FBXL20: variants seen among roughly 807,000 people sequenced by gnomAD.
The protein encoded by FBXL20 is F-box/LRR-repeat protein 20.
In FBXL20, 11 loss-of-function variants were observed where a neutral mutation model predicts 64.0. The observed-to-expected ratio is 0.17, with a 90% CI of 0.11 to 0.28. The LOEUF is 0.28. FBXL20 is among the 10% of genes least tolerant of loss of function. The pLI, the probability that FBXL20 is intolerant of heterozygous loss-of-function variation, is 1.00. For missense variants in FBXL20, 303 were observed against 526.2 expected, an observed-to-expected ratio of 0.58 and a Z score of 4.15; for synonymous variants, 184 against 189.0, an observed-to-expected ratio of 0.97 and a Z score of 0.22.
intron 2 of FBXL20, among the ~76,000 whole-genome samples, chr17:39,304,533 T>C (rs771876548): frequency 1.3e-5 from 2 of 152,190 alleles, no homozygotes; most frequent in Non-Finnish European, 2.9e-5. Context: ...CAAGCAATCC[T>C]CCTGCCTCAG....
chr17:39,358,852 AAAAC>A (rs917210385), intron 1 of FBXL20, among the ~76,000 whole-genome samples: 9 of 152,178 alleles, frequency 5.9e-5, no homozygotes, highest in South Asian at 2.1e-4. Flanking sequence ...TACAAACTGA[AAAAC>A]AAACAAAAAA....
chr17:39,346,585 G>A (rs947880000), intron 1 of FBXL20, among the ~76,000 whole-genome samples: 1 of 152,020 alleles, frequency 6.6e-6, no homozygotes, highest in Non-Finnish European at 1.5e-5. Context: ...AAAAGAAACT[G>A]GAACAAAGAT....
Position 39,401,437 on chromosome 17 carries a change from G to A in FBXL20, c.-35C>T, listed in dbSNP as rs2048243434. The A allele has an allele frequency of 6.4e-7, 1 of 1,569,804 alleles. No individual in the cohort carries two copies. Among genetic ancestry groups the A allele is most frequent in the Non-Finnish European group, 8.6e-7 (1 of 1,159,240 alleles). Reference sequence around the variant, plus strand: ...GGGTGCGGCCCGGGCCGGGCGCTGCGGCGAGCGGAGTGCACAGACCGGGGG... The same window carrying A: ...GGGTGCGGCCCGGGCCGGGCGCTGCAGCGAGCGGAGTGCACAGACCGGGGG... On this transcript the variant is annotated 5_prime_UTR_variant, in exon 1 of 15. Transcript: ENST00000264658.
chr17:39,279,434 G>A lies in FBXL20; in HGVS notation c.696+1955C>T, dbSNP rs530571351. 1.6e-4 allele frequency among the ~76,000 whole-genome samples: 24 copies of A among 151,958 alleles called. No homozygotes were observed. In the East Asian group the frequency reaches 4.4e-3, roughly 28 times the overall value. On this transcript the variant is annotated intron_variant, in intron 9 of 14. Coordinates refer to ENST00000264658, the MANE Select transcript of FBXL20 (RefSeq NM_032875.3). ...GGATTGCTTGAGCCCTGTAGTTGGAGGTTGCTGTGAGCTGTGATCATGCCA... is the reference window on the plus strand; with the variant it reads ...GGATTGCTTGAGCCCTGTAGTTGGAAGTTGCTGTGAGCTGTGATCATGCCA...
At chr17:39,360,660 A>T (rs2047785656) in intron 1 of FBXL20, among the ~76,000 whole-genome samples, 1 of 152,178 alleles carries the variant, frequency 6.6e-6, no homozygotes, top group East Asian at 1.9e-4. Context: ...CAGATTCAGA[A>T]ATGTCTGTCA....
At chr17:39,266,271 G>C (rs2046791565) in intron 12 of FBXL20, among the ~76,000 whole-genome samples, 1 of 150,792 alleles carries the variant, frequency 6.6e-6, no homozygotes, top group Admixed American at 6.6e-5. Flanking sequence ...CCAGGCTGGA[G>C]TGTGGTGGCA....
At chr17:39,394,450 T>G (rs544757126) in intron 1 of FBXL20, among the ~76,000 whole-genome samples, 1 of 151,910 alleles carries the variant, frequency 6.6e-6, no homozygotes, top group African/African-American at 2.4e-5. Context: ...TTTTTTTTTT[T>G]GTATTTTTAG....
Position 39,254,419 on chromosome 17 carries a change from C to G in FBXL20, c.*7041G>C, listed in dbSNP as rs115676045. ...ATGATCCTTGGTTCTTGGGGCATGA[C>G]AGAAGAGAAAAGGTAAATATGTCTG... On this transcript the variant is annotated 3_prime_UTR_variant, in exon 15 of 15. Transcript: ENST00000264658. 5.0e-3 allele frequency: 766 copies of G among 152,644 alleles called. 8 individuals carry two copies. Among genetic ancestry groups the G allele is most frequent in the African/African-American group, 0.017 (719 of 41,594 alleles). 9.5% of individuals were successfully genotyped at this position (152,644 alleles called of 1,614,324 possible). A position where few individuals can be genotyped will look rare whatever the true frequency, so the allele number is the denominator to read the frequency against.
intron 9 of FBXL20, among the ~76,000 whole-genome samples, chr17:39,276,316 A>T (rs537316913): frequency 3.8e-4 from 57 of 151,170 alleles, no homozygotes; most frequent in African/African-American, 1.4e-3. Flanking sequence ...GGAAGAAAGA[A>T]AGAAAAGAAA....
intron 1 of FBXL20, among the ~76,000 whole-genome samples, chr17:39,367,911 G>GC (rs1401007240): frequency 6.6e-6 from 1 of 150,920 alleles, no homozygotes; most frequent in Non-Finnish European, 1.5e-5. Context: ...CTACAGGCAC[G>GC]CCCCACCACA....
intron 10 of FBXL20, 76 bp downstream of exon 10, chr17:39,274,894 A>G (rs1343491933): frequency 5.0e-6 from 8 of 1,587,364 alleles, no homozygotes; most frequent in Admixed American, 3.7e-5. Flanking sequence ...TTAAAATTCC[A>G]AAGTTCCAAG....
intron 9 of FBXL20, among the ~76,000 whole-genome samples, chr17:39,278,096 G>C (rs1358249515): frequency 6.6e-6 from 1 of 152,136 alleles, no homozygotes; most frequent in Non-Finnish European, 1.5e-5. Flanking sequence ...TGTATGTATA[G>C]AGTGTGTAAA....
chr17:39,260,818 G>C lies in FBXL20; in HGVS notation c.*642C>G, dbSNP rs765340174. 1.3e-5 allele frequency: 2 copies of C among 155,098 alleles called. No individual in the cohort carries two copies. Among genetic ancestry groups the C allele is most frequent in the African/African-American group, 4.8e-5 (2 of 41,446 alleles). The allele number at this position is 155,098 out of a possible 1,614,324, so 9.6% of individuals were successfully genotyped here. A position where few individuals can be genotyped will look rare whatever the true frequency, so the allele number is the denominator to read the frequency against. On this transcript the variant is annotated 3_prime_UTR_variant, in exon 15 of 15. Coordinates refer to ENST00000264658, the MANE Select transcript of FBXL20 (RefSeq NM_032875.3). The stretch of plus-strand genomic sequence containing the variant: ...CTACAGACAGTGATAATTTGAGTGT[G>C]TAAGAATTACATTTGGACCACAGTG...
intron 1 of FBXL20, among the ~76,000 whole-genome samples, chr17:39,352,994 T>C (rs569256174): frequency 1.3e-5 from 2 of 152,282 alleles, no homozygotes. Context: ...CCTTTTTCTT[T>C]ACCCCTTTCT....
At chr17:39,364,623 A>T (rs1317394679) in intron 1 of FBXL20, among the ~76,000 whole-genome samples, 1 of 152,176 alleles carries the variant, frequency 6.6e-6, no homozygotes, top group African/African-American at 2.4e-5. Context: ...AAAGAAAAAG[A>T]AAAAAAGAAT....
At chr17:39,278,580 C>T (rs1479494417) in intron 9 of FBXL20, among the ~76,000 whole-genome samples, 3 of 129,460 alleles carry the variant, frequency 2.3e-5, no homozygotes, top group Non-Finnish European at 4.7e-5. Context: ...TGGAGTCTGG[C>T]TGTGTCGCCC....
chr17:39,303,030 G>T (rs551611524), intron 3 of FBXL20, among the ~76,000 whole-genome samples: 26 of 151,840 alleles, frequency 1.7e-4, no homozygotes, highest in African/African-American at 6.3e-4. Context: ...TTACTAACTA[G>T]AATTACTGGT....
chr17:39,295,391 C>G lies in FBXL20; in HGVS notation c.398+1736G>C, dbSNP rs568551210. Among the ~76,000 whole-genome samples, 8 of 152,114 alleles carry G rather than the reference C, an allele frequency of 5.3e-5. No individual in the cohort carries two copies. The South Asian group carries it at 1.7e-3, about 32-fold the overall frequency. On this transcript the variant is annotated intron_variant, in intron 6 of 14. Transcript: ENST00000264658. ...AAGCGATTCTCATGCCTCAGCCTCC[C>G]AAGTAGCTGGGATGTGCCACCATGC...
intron 2 of FBXL20, among the ~76,000 whole-genome samples, chr17:39,337,261 T>A (rs948437235): frequency 6.6e-6 from 1 of 152,204 alleles, no homozygotes; most frequent in Non-Finnish European, 1.5e-5. Context: ...GTGCCGGGAT[T>A]GCAGACGGAG....
Sources: gnomAD v4.1 joint callset for allele counts (sites outside exome capture counted in the v4.1 genomes callset) on GRCh38, gnomAD v4.1.1 for gene constraint, MANE v1.5 for transcripts, NCBI Gene and HGNC (gene_info 2026-07-23, HGNC 2026-07-21) for gene names.